The following MALRD1 variants were observed in gnomAD, a reference collection of about 807,000 sequenced individuals.
MALRD1 encodes the protein MAM and LDL receptor class A domain containing 1.
A neutral mutation model predicts 242.1 loss-of-function variants in MALRD1; 247 were observed. The ratio of observed to expected loss-of-function variants is 1.02; its 90% CI spans 0.92 to 1.13. The LOEUF is 1.13. Ranked by LOEUF, MALRD1 falls within the 50% of genes most tolerant of loss-of-function variation. The pLI, the probability that MALRD1 is intolerant of heterozygous loss-of-function variation, is 0.00. For synonymous variants in MALRD1, 995 were observed against 866.6 expected, an observed-to-expected ratio of 1.15 and a Z score of -2.60; for missense variants, 2,989 against 2,533.1, an observed-to-expected ratio of 1.18 and a Z score of -3.86.
Position 19,730,706 on chromosome 10 carries a change from G to T in MALRD1, c.6315G>T (p.Arg2105Ser). The change falls in exon 39 of 40, where the codon AGG becomes AGT. Residue 2105 changes from arginine to serine, a missense_variant and splice_region_variant. Arg to Ser is a moderately radical substitution (Grantham distance 110). Coordinates refer to ENST00000454679, the MANE Select transcript of MALRD1 (RefSeq NM_001142308.3). ...CFLANRKVPIRKTEGSGNCAF... is the reference protein window; with the variant it reads ...CFLANRKVPISKTEGSGNCAF... ...TTTTGATGGCCCTGTGTGCTTTAAG[G>T]AAAACCGAGGGAAGTGGTAACTGTG... is the stretch of plus-strand genomic sequence containing the variant. The T allele has an allele frequency of 6.5e-7, 1 of 1,536,626 alleles. No homozygotes were observed. The highest frequency in any genetic ancestry group is 8.7e-7 in the Non-Finnish European group (1 of 1,147,004).
At chr10:19,576,635 A>G (rs965590828) in intron 33 of MALRD1, among the ~76,000 whole-genome samples, 2 of 152,190 alleles carry the variant, frequency 1.3e-5, no homozygotes, top group East Asian at 3.9e-4. Context: ...TGTCTATAAA[A>G]TGATCCCATC....
chr10:19,478,278 A>G (rs1056867616), intron 29 of MALRD1, among the ~76,000 whole-genome samples: 2 of 152,202 alleles, frequency 1.3e-5, no homozygotes, highest in Admixed American at 6.5e-5. Context: ...ATCTCCCAAG[A>G]CAAAAGTAAG....
chr10:19,667,425 G>A (rs571534523), intron 36 of MALRD1, among the ~76,000 whole-genome samples: 6 of 152,302 alleles, frequency 3.9e-5, no homozygotes, highest in African/African-American at 1.2e-4. Context: ...CTTTGGATCT[G>A]TGTCCCTGCC....
At chr10:19,202,986 A>C (rs1320558947) in intron 14 of MALRD1, among the ~76,000 whole-genome samples, 1 of 152,118 alleles carries the variant, frequency 6.6e-6, no homozygotes, top group African/African-American at 2.4e-5. Context: ...ATACCTTCCT[A>C]TATGGCTGTT....
chr10:19,726,533 A>G (rs1369541321), intron 38 of MALRD1, among the ~76,000 whole-genome samples: 1 of 152,180 alleles, frequency 6.6e-6, no homozygotes, highest in African/African-American at 2.4e-5. Context: ...TATCAAAAAC[A>G]GTTTGGCAGT....
intron 28 of MALRD1, among the ~76,000 whole-genome samples, chr10:19,404,413 G>T (rs1846999409): frequency 6.6e-6 from 1 of 151,942 alleles, no homozygotes; most frequent in Admixed American, 6.6e-5. Context: ...ATTTATCTTT[G>T]ACTAAGATGT....
intron 21 of MALRD1, chr10:19,290,302 T>C (rs1841348446): frequency 6.6e-6 from 1 of 152,220 alleles, no homozygotes; most frequent in Non-Finnish European, 1.5e-5. Context: ...TATTAATTTT[T>C]ACATGAATTA....
At chr10:19,545,816 C>G (rs560854452) in intron 32 of MALRD1, among the ~76,000 whole-genome samples, 14 of 152,162 alleles carry the variant, frequency 9.2e-5, no homozygotes, top group Non-Finnish European at 2.1e-4. Flanking sequence ...GCTTTTAGTC[C>G]TCTGGCACTG....
chr10:19,096,449 G>C (rs909658156), intron 4 of MALRD1, among the ~76,000 whole-genome samples: 8 of 152,156 alleles, frequency 5.3e-5, no homozygotes, highest in Non-Finnish European at 7.3e-5. Context: ...TTACCTTAAA[G>C]GCTTTGCAAA....
At chr10:19,259,898 A>G (rs1445320018) in intron 19 of MALRD1, among the ~76,000 whole-genome samples, 2 of 152,096 alleles carry the variant, frequency 1.3e-5, no homozygotes, top group South Asian at 2.1e-4. Context: ...CACATCACCT[A>G]TCACCCTTAT....
intron 36 of MALRD1, among the ~76,000 whole-genome samples, chr10:19,634,741 A>G (rs1053543062): frequency 6.6e-6 from 1 of 152,188 alleles, no homozygotes; most frequent in African/African-American, 2.4e-5. Flanking sequence ...CAGCTAAAAA[A>G]TAATCATAGG....
chr10:19,155,576 G>C (rs1834113362), intron 12 of MALRD1, among the ~76,000 whole-genome samples: 1 of 152,160 alleles, frequency 6.6e-6, no homozygotes. Context: ...TGAGTCCTCT[G>C]GTGCCAGGCA....
At chr10:19,282,995 T>G in intron 20 of MALRD1, 24 bp from the exon 21 acceptor site, 1 of 1,488,504 alleles carries the variant, frequency 6.7e-7, no homozygotes, top group Non-Finnish European at 9.0e-7. Context: ...TAGCTCACCT[T>G]TTCTTTGTTC....
chr10:19,279,352 G>T (rs1481891502), intron 19 of MALRD1, among the ~76,000 whole-genome samples: 1 of 152,184 alleles, frequency 6.6e-6, no homozygotes, highest in Admixed American at 6.5e-5. Context: ...CTGGGACTTG[G>T]TGATCATTCT....
intron 36 of MALRD1, among the ~76,000 whole-genome samples, chr10:19,621,914 G>T (rs775296067): frequency 1.3e-5 from 2 of 151,758 alleles, no homozygotes; most frequent in Non-Finnish European, 3.0e-5. Flanking sequence ...GAAAACTCGT[G>T]ATTGTCTCCA....
At chr10:19,507,340 A>G (rs1180994381) in intron 31 of MALRD1, among the ~76,000 whole-genome samples, 1 of 152,118 alleles carries the variant, frequency 6.6e-6, no homozygotes, top group Non-Finnish European at 1.5e-5. Context: ...CCGCTTTGGT[A>G]TAAATGTAAA....
At chr10:19,362,518 A>G (rs908084046) in intron 26 of MALRD1, among the ~76,000 whole-genome samples, 5 of 152,124 alleles carry the variant, frequency 3.3e-5, no homozygotes, top group Non-Finnish European at 7.4e-5. Flanking sequence ...CAGAGAAGAG[A>G]GAATCCCACA....
intron 36 of MALRD1, among the ~76,000 whole-genome samples, chr10:19,691,387 T>C (rs1842813858): frequency 6.6e-6 from 1 of 152,112 alleles, no homozygotes; most frequent in African/African-American, 2.4e-5. Flanking sequence ...AGTGATTAAG[T>C]GAAAATTCAA....
At chr10:19,541,311 C>A (rs1261445075) in intron 32 of MALRD1, among the ~76,000 whole-genome samples, 1 of 152,116 alleles carries the variant, frequency 6.6e-6, no homozygotes, top group East Asian at 1.9e-4. Flanking sequence ...ATGCAATTAT[C>A]CCCATGCATA....
Sources: allele counts gnomAD v4.1 joint callset (sites outside exome capture counted in the v4.1 genomes callset), GRCh38; gene constraint gnomAD v4.1.1; transcripts MANE v1.5; gene names NCBI Gene and HGNC (gene_info 2026-07-23, HGNC 2026-07-21).